The following SLC26A5 variants were observed in gnomAD, a reference collection of about 807,000 sequenced individuals.
SLC26A5 encodes the protein prestin.
In SLC26A5, 51 loss-of-function variants were observed where a neutral mutation model predicts 81.0. That is an observed-to-expected ratio of 0.63 (90% CI 0.50 to 0.80). SLC26A5 has a LOEUF of 0.80. SLC26A5 is among the 30% of genes least tolerant of loss of function. SLC26A5 has a pLI of 0.00. For missense variants in SLC26A5, 771 were observed against 905.8 expected, an observed-to-expected ratio of 0.85 and a Z score of 1.91; for synonymous variants, 325 against 332.8, an observed-to-expected ratio of 0.98 and a Z score of 0.25.
rs189213864 is a variant in SLC26A5, at chr7:103,410,364, G to A, written c.735+21C>T. 25 of 1,596,308 alleles carry A rather than the reference G, an allele frequency of 1.6e-5. No homozygotes were observed. In the East Asian group the frequency reaches 2.0e-4, roughly 13 times the overall value. On this transcript the variant is annotated intron_variant, in intron 7 of 19. Transcript: ENST00000306312. ...GGAATAAAGAGAAAAGTACCAGAACGTCAGGTAGTTTCTTACTTACATACA... is the reference window on the plus strand; with the variant it reads ...GGAATAAAGAGAAAAGTACCAGAACATCAGGTAGTTTCTTACTTACATACA...
chr7:103,378,462 G>A lies in SLC26A5; in HGVS notation c.1769C>T (p.Ala590Val). 1.9e-6 allele frequency: 3 copies of A among 1,614,100 alleles called. No homozygotes were observed. The highest frequency in any genetic ancestry group is 2.5e-6 in the Non-Finnish European group (3 of 1,179,954). The change falls in exon 17 of 20, where the codon GCA becomes GTA. Residue 590 changes from alanine (A) to valine (V), a missense_variant. Transcript: ENST00000306312. ...KEVGNANMANATVVKADAEVD... is the reference protein window; with the variant it reads ...KEVGNANMANVTVVKADAEVD... ...ACCACTCACTGCTTTGACAACAGTTGCGTTGGCCATATTTGCATTTCCGAC... is the reference window on the plus strand; with the variant it reads ...ACCACTCACTGCTTTGACAACAGTTACGTTGGCCATATTTGCATTTCCGAC...
At chr7:103,373,289 G>A (rs1207865684), downstream of SLC26A5, among the ~76,000 whole-genome samples, 2 of 152,180 alleles carry the variant, frequency 1.3e-5, no homozygotes, top group African/African-American at 2.4e-5. Flanking sequence ...CAATAGATTA[G>A]TTAATGGTAG....
chr7:103,385,255 C>T lies in SLC26A5; in HGVS notation c.1514+3753G>A, dbSNP rs142599235. On this transcript the variant is annotated intron_variant, in intron 14 of 19. Coordinates refer to ENST00000306312, the MANE Select transcript of SLC26A5 (RefSeq NM_198999.3). Reference sequence around the variant, plus strand: ...CGGCTCACTACAAGCTCCGCCTCCCCGGGTTCACACCATTCTCCTGCCTCA... The same window carrying T: ...CGGCTCACTACAAGCTCCGCCTCCCTGGGTTCACACCATTCTCCTGCCTCA... Among the ~76,000 whole-genome samples the T allele has an allele frequency of 9.7e-3, 1,481 of 152,086 alleles. 24 individuals are homozygous for T. Among genetic ancestry groups the T allele is most frequent in the African/African-American group, 0.034 (1,406 of 41,472 alleles).
rs1276465596 is a variant in SLC26A5 at position 103,353,909 on chromosome 7, C to G, written c.2042-983G>C. 1.9e-6 allele frequency: 3 copies of G among 1,601,594 alleles called. No individual in the cohort carries two copies. Among genetic ancestry groups the G allele is most frequent in the Non-Finnish European group, 2.6e-6 (3 of 1,172,162 alleles). Reference sequence around the variant, plus strand: ...TCTTTTTGAATCTCACGTATTGTCTCTCTTCTTTCAGCTCTGGATGAGGGG... The same window carrying G: ...TCTTTTTGAATCTCACGTATTGTCTGTCTTCTTTCAGCTCTGGATGAGGGG... On this transcript the variant is annotated intron_variant, in intron 19 of 19. Coordinates refer to the SLC26A5 transcript ENST00000339444.
chr7:103,420,785 C>A lies in SLC26A5; in HGVS notation c.245G>T (p.Gly82Val). The change falls in exon 4 of 20, where the codon GGT becomes GTT. Residue 82 changes from glycine (G) to valine (V), a missense_variant. Gly to Val is a moderately radical substitution (Grantham distance 109, BLOSUM62 -3). Coordinates refer to ENST00000306312, the MANE Select transcript of SLC26A5 (RefSeq NM_198999.3). The stretch of plus-strand genomic sequence containing the variant: ...TGTGCTTATGCCTGAGACCAAGTCA[C>A]CCAACACATATTCCTTGAATTTGTA... ...PAYKFKEYVL[G>V]DLVSGISTGV... is the part of the protein sequence containing the mutation. 1 of 1,614,132 alleles carries A rather than the reference C, an allele frequency of 6.2e-7. No homozygotes were observed. The highest frequency in any genetic ancestry group is 1.3e-5 in the African/African-American group (1 of 75,042).
rs368124799 is a variant in SLC26A5, at chr7:103,386,910, C to T, written c.1514+2098G>A. On this transcript the variant is annotated intron_variant, in intron 14 of 19. Transcript: ENST00000306312. ...CTGAGTAGCTGGGATTACAGGCACT[C>T]GCCACCACACCTGGCTCGCTTTTGT... Among the ~76,000 whole-genome samples, 45 of 152,082 alleles carry T rather than the reference C, an allele frequency of 3.0e-4. 1 individual carries two copies. The highest frequency in any genetic ancestry group is 7.7e-4 in the African/African-American group (32 of 41,502).
Position 103,367,798 on chromosome 7 carries a change from C to T in SLC26A5, c.2041+9010G>A. On this transcript the variant is annotated intron_variant, in intron 19 of 19. Transcript: ENST00000339444. The surrounding 1 kb of genome is among the most constrained non-coding windows in gnomAD (Gnocchi z 6.1). ...TTTGAACTGTTAGCACGACTGTGTC[C>T]AAATAGCACTGGTAAGTAGAAAGTT... The T allele has an allele frequency of 6.2e-7, 1 of 1,613,346 alleles. No homozygotes were observed. Among genetic ancestry groups the T allele is most frequent in the Middle Eastern group, 1.6e-4 (1 of 6,062 alleles).
rs886135170 is a variant in SLC26A5, at chr7:103,421,370, C to G, written c.145G>C (p.Ala49Pro). 1 of 1,613,936 alleles carries G rather than the reference C, an allele frequency of 6.2e-7. No individual in the cohort carries two copies. The highest frequency in any genetic ancestry group is 1.3e-5 in the African/African-American group (1 of 74,908). The change falls in exon 3 of 20, where the codon GCA (alanine) becomes CCA (proline). Residue 49 changes from alanine (A) to proline (P), a missense_variant. Transcript: ENST00000306312. ...GGTTAAAAGGCAACGTACGTGAATG[C>G]CTGTTTCAGCTTATCCGCAATGGAA... ...PDSIADKLKQAFTCTPKKIRN... is the reference protein window; with the variant it reads ...PDSIADKLKQPFTCTPKKIRN...
chr7:103,428,558 CTT>C (rs10592922), intron 2 of SLC26A5, among the ~76,000 whole-genome samples: 36,255 of 117,596 alleles, frequency 0.31, 6,071 homozygotes, highest in African/African-American at 0.6. Flanking sequence ...CCTGCCAGTA[CTT>C]TTTTTTTTTT....
chr7:103,372,037 A>C (rs1156542368), downstream of SLC26A5, among the ~76,000 whole-genome samples: 1 of 152,228 alleles, frequency 6.6e-6, no homozygotes, highest in African/African-American at 2.4e-5. Context: ...AATTCTACTT[A>C]AATGGCTGAA....
At chr7:103,362,794 CTTTTTTTTTT>C in intron 19 of SLC26A5, 2 of 839,782 alleles carry the variant, frequency 2.4e-6, no homozygotes, top group South Asian at 1.7e-5. Flanking sequence ...AAGGCTATGT[CTTTTTTTTTT>C]TTTTTTTTTG....
At position 103,446,085 on chromosome 7, in the gene SLC26A5, C is replaced by G. The variant is rs2116904365; in HGVS notation, c.-183+13G>C. 6.6e-6 allele frequency: 1 copy of G among 152,056 alleles called. No individual in the cohort carries two copies. The highest frequency in any genetic ancestry group is 1.9e-4 in the East Asian group (1 of 5,156). The allele number at this position is 152,056 out of a possible 1,614,324, so 9.4% of individuals were successfully genotyped here. A position where few individuals can be genotyped will look rare whatever the true frequency, so the allele number is the denominator to read the frequency against. Reference sequence around the variant, plus strand: ...CGCGACCCCCGGCCCCGCGGCCGCCCGCGCGCACTCACCAGCCCGGGCTGC... The same window carrying G: ...CGCGACCCCCGGCCCCGCGGCCGCCGGCGCGCACTCACCAGCCCGGGCTGC... On this transcript the variant is annotated intron_variant, in intron 1 of 19. Transcript: ENST00000306312.
chr7:103,385,638 A>G (rs1822128022), intron 14 of SLC26A5, among the ~76,000 whole-genome samples: 1 of 152,092 alleles, frequency 6.6e-6, no homozygotes. Flanking sequence ...AAAAATATCA[A>G]CTTCAGTTAA....
At chr7:103,376,989 A>T in intron 18 of SLC26A5, 127 bp from the exon 19 acceptor site, 1 of 665,500 alleles carries the variant, frequency 1.5e-6, no homozygotes, top group South Asian at 1.9e-5. Flanking sequence ...TGCTTCAATA[A>T]TGATGTATTT....
Position 103,421,374 on chromosome 7 carries a change from T to A in SLC26A5, c.141A>T (p.Lys47Asn), listed in dbSNP as rs372100608. The change falls in exon 3 of 20, where the codon AAA (lysine) becomes AAT (asparagine). Residue 47 changes from lysine (K) to asparagine (N), a missense_variant. By Grantham distance (94) the Lys-to-Asn change is moderately conservative. Transcript: ENST00000306312. ...KVPDSIADKLKQAFTCTPKKI... is the reference protein window; with the variant it reads ...KVPDSIADKLNQAFTCTPKKI... ...AAAAGGCAACGTACGTGAATGCCTGTTTCAGCTTATCCGCAATGGAATCAG... is the reference window on the plus strand; with the variant it reads ...AAAAGGCAACGTACGTGAATGCCTGATTCAGCTTATCCGCAATGGAATCAG... 1 of 1,613,954 alleles carries A rather than the reference T, an allele frequency of 6.2e-7. No individual in the cohort carries two copies. Among genetic ancestry groups the A allele is most frequent in the Non-Finnish European group, 8.5e-7 (1 of 1,179,972 alleles).
rs745557570 is a variant in SLC26A5, at chr7:103,390,412, G to A, written c.1311+17C>T. The A allele has an allele frequency of 4.3e-6, 7 of 1,609,522 alleles. No homozygotes were observed. In the South Asian group the frequency reaches 5.5e-5, roughly 13 times the overall value. On this transcript the variant is annotated intron_variant, in intron 12 of 19. Transcript: ENST00000306312. ...TACACATGAAAAAAACTTCACCCAA[G>A]TCCACATTACACACACCTGGGGCAA...
At chr7:103,366,267 T>G in intron 19 of SLC26A5, 1 of 993,356 alleles carries the variant, frequency 1.0e-6, no homozygotes, top group Non-Finnish European at 1.5e-6. Flanking sequence ...TAACTCCAAC[T>G]CTTCTATGAG....
At chr7:103,438,064 A>T (rs1283526062) in intron 2 of SLC26A5, among the ~76,000 whole-genome samples, 1 of 152,184 alleles carries the variant, frequency 6.6e-6, no homozygotes, top group Non-Finnish European at 1.5e-5. Context: ...TCAGCCCTCT[A>T]TATCCATAGG....
chr7:103,410,459 C>T lies in SLC26A5; in HGVS notation c.661G>A (p.Val221Ile). Residue 221 changes from valine to isoleucine, a missense_variant, in exon 7 of 20, where the codon GTC becomes ATC. Physicochemically the swap from Val to Ile is conservative, Grantham distance 29 (BLOSUM62 3). Coordinates refer to ENST00000306312, the MANE Select transcript of SLC26A5 (RefSeq NM_198999.3). Reference protein sequence around the residue: ...RGFTTAAAVHVFTSMLKYLFG... With the variant: ...RGFTTAAAVHIFTSMLKYLFG... ...AGATATTTTAACATGGAGGTGAAGA[C>T]ATGCACAGCTGCTGCGGTGGTAAAC... The T allele has an allele frequency of 9.9e-6, 16 of 1,614,012 alleles. No homozygotes were observed. Among genetic ancestry groups the T allele is most frequent in the Non-Finnish European group, 1.3e-5 (15 of 1,179,918 alleles).
Sources: allele counts gnomAD v4.1 joint callset (sites outside exome capture counted in the v4.1 genomes callset), GRCh38; gene constraint gnomAD v4.1.1; non-coding constraint Gnocchi (gnomAD v3.1); transcripts MANE v1.5; gene names NCBI Gene and HGNC (gene_info 2026-07-23, HGNC 2026-07-21).